The following BICDL1 variants were observed in gnomAD, a reference collection of about 807,000 sequenced individuals.
The protein encoded by BICDL1 is BICD family like cargo adaptor 1.
Under a neutral mutation model 76.8 loss-of-function variants are expected in BICDL1, and 20 were observed. The observed-to-expected ratio is 0.26, with a 90% CI of 0.18 to 0.38. The LOEUF is 0.38. Ranked by LOEUF, BICDL1 falls within the 10% of genes least tolerant of loss-of-function variation. The pLI, the probability that BICDL1 is intolerant of heterozygous loss-of-function variation, is 1.00. For synonymous variants in BICDL1, 383 were observed against 337.1 expected (o/e 1.14, Z -1.49); for missense variants, 700 against 798.6 (o/e 0.88, Z 1.49).
At chr12:120,031,203 C>CTT (rs140797711) in intron 2 of BICDL1, among the ~76,000 whole-genome samples, 20 of 130,838 alleles carry the variant, frequency 1.5e-4, no homozygotes, top group Non-Finnish European at 1.9e-4. Context: ...TAACATGTTC[C>CTT]TTTTTTTTTT....
At position 120,024,230 on chromosome 12, in the gene BICDL1, G is replaced by A. The variant is rs140646520; in HGVS notation, c.645+25494G>A. On this transcript the variant is annotated intron_variant, in intron 2 of 9. Transcript: ENST00000548673. ...TGGGATGGAGAGGTTGCAGTGAGCT[G>A]AGATCGCACCACTGCACTCCAGCTG... Among the ~76,000 whole-genome samples, 482 of 152,232 alleles carry A rather than the reference G, an allele frequency of 3.2e-3. 2 individuals carry two copies. The highest frequency in any genetic ancestry group is 0.011 in the African/African-American group (456 of 41,542).
chr12:120,080,767 C>T, intron 7 of BICDL1, 120 bp from the exon 8 acceptor site: 1 of 1,048,992 alleles, frequency 9.5e-7, no homozygotes, highest in Non-Finnish European at 1.3e-6. Flanking sequence ...GGAATGCTAC[C>T]AGCTTGCACC....
At chr12:120,004,476 C>T (rs1304427624) in intron 2 of BICDL1, among the ~76,000 whole-genome samples, 2 of 152,188 alleles carry the variant, frequency 1.3e-5, no homozygotes, top group Non-Finnish European at 2.9e-5. Flanking sequence ...AAAGAGCATT[C>T]AACAGGAAGT....
intron 2 of BICDL1, among the ~76,000 whole-genome samples, chr12:119,999,444 A>G (rs1951718012): frequency 6.6e-6 from 1 of 152,236 alleles, no homozygotes; most frequent in African/African-American, 2.4e-5. Context: ...TTTTAAGCTT[A>G]GGGAAAATTT....
chr12:119,989,977 C>CCCG lies in BICDL1; in HGVS notation c.124_126dup (p.Ala42dup), dbSNP rs748752437. ...CGCGGCCGGGGACGCAGTCCGGAGTCCCGCCGCCGCCGCCGCCCTCATCTT... is the reference window on the plus strand; with the variant it reads ...CGCGGCCGGGGACGCAGTCCGGAGTCCCGCCGCCGCCGCCGCCGCCCTCATCTT... On this transcript the variant is annotated inframe_insertion, in exon 1 of 10. Transcript: ENST00000548673. The CCCG allele has an allele frequency of 1.1e-4, 157 of 1,467,250 alleles. No individual in the cohort carries two copies. The Middle Eastern group carries it at 1.4e-3, about 13-fold the overall frequency. The allele number at this position is 1,467,250 out of a possible 1,614,324, so 90.9% of individuals were successfully genotyped here.
At chr12:120,012,774 G>A (rs944010519) in intron 2 of BICDL1, among the ~76,000 whole-genome samples, 3 of 151,866 alleles carry the variant, frequency 2.0e-5, no homozygotes, top group Admixed American at 6.6e-5. Context: ...TTTTTTAAAG[G>A]AAAGGGAAGG....
chr12:120,016,971 C>CA (rs1952076897), intron 2 of BICDL1, among the ~76,000 whole-genome samples: 2 of 152,210 alleles, frequency 1.3e-5, no homozygotes, highest in Non-Finnish European at 2.9e-5. Context: ...CGGCTCACTG[C>CA]AAGCTCTGCC....
At chr12:120,074,351 C>A in intron 6 of BICDL1, 92 bp from the exon 7 acceptor site, 2 of 846,914 alleles carry the variant, frequency 2.4e-6, no homozygotes, top group Non-Finnish European at 1.4e-6. Context: ...TTTCTCCTCT[C>A]CTTCTCTCCC....
At chr12:120,036,807 C>T (rs1217369317) in intron 2 of BICDL1, among the ~76,000 whole-genome samples, 1 of 152,172 alleles carries the variant, frequency 6.6e-6, no homozygotes, top group Non-Finnish European at 1.5e-5. Flanking sequence ...ACCCGGAAGG[C>T]GGAGGTTGCA....
At position 120,057,294 on chromosome 12, in the gene BICDL1, G is replaced by A. The variant is rs968889098; in HGVS notation, c.646-4416G>A. On this transcript the variant is annotated intron_variant, in intron 2 of 9. Transcript: ENST00000548673. The stretch of plus-strand genomic sequence containing the variant: ...CCTCCCAACGTGCTGGGATTACACC[G>A]CGCCTGGCCCATTTGATTCAATTTT... 1.0e-4 allele frequency: 33 copies of A among 323,750 alleles called. No homozygotes were observed. In the Admixed American group the frequency reaches 1.1e-3, roughly 11 times the overall value. The allele number at this position is 323,750 out of a possible 1,614,324, so 20.1% of individuals were successfully genotyped here.
intron 2 of BICDL1, among the ~76,000 whole-genome samples, chr12:120,025,553 G>A (rs766945246): frequency 5.9e-5 from 9 of 152,056 alleles, no homozygotes; most frequent in Non-Finnish European, 8.8e-5. Context: ...CCACATGACC[G>A]TACACTCTGA....
chr12:120,028,631 G>T (rs762760385), intron 2 of BICDL1, among the ~76,000 whole-genome samples: 1 of 152,102 alleles, frequency 6.6e-6, no homozygotes, highest in Admixed American at 6.5e-5. Context: ...AGATGAGATC[G>T]CCCACTGCAC....
intron 2 of BICDL1, among the ~76,000 whole-genome samples, chr12:120,044,783 A>G (rs1952713309): frequency 6.6e-6 from 1 of 152,174 alleles, no homozygotes; most frequent in African/African-American, 2.4e-5. Flanking sequence ...TTTTGGTACC[A>G]GTACCATGCT....
intron 2 of BICDL1, among the ~76,000 whole-genome samples, chr12:120,057,481 A>C (rs933307246): frequency 6.6e-6 from 1 of 152,202 alleles, no homozygotes; most frequent in Non-Finnish European, 1.5e-5. Flanking sequence ...AACTTCCAGA[A>C]AGCATTTAGA....
intron 4 of BICDL1, among the ~76,000 whole-genome samples, chr12:120,066,038 A>G (rs1368285286): frequency 6.6e-6 from 1 of 152,246 alleles, no homozygotes; most frequent in Non-Finnish European, 1.5e-5. Context: ...TTCAAGATGG[A>G]AAAGAATTTG....
Position 120,093,327 on chromosome 12 carries a change from A to C in BICDL1, c.*166A>C. 1 of 790,016 alleles carries C rather than the reference A, an allele frequency of 1.3e-6. No individual in the cohort carries two copies. The highest frequency in any genetic ancestry group is 2.0e-6 in the Non-Finnish European group (1 of 510,452). 48.9% of individuals were successfully genotyped at this position (790,016 alleles called of 1,614,324 possible). A position where few individuals can be genotyped will look rare whatever the true frequency, so the allele number is the denominator to read the frequency against. ...CTCCCTTTCGTCGGTGGGGATGGAGACCTAGAGGTGGGGGCCTGCCTTGGC... is the reference window on the plus strand; with the variant it reads ...CTCCCTTTCGTCGGTGGGGATGGAGCCCTAGAGGTGGGGGCCTGCCTTGGC... On this transcript the variant is annotated 3_prime_UTR_variant, in exon 10 of 10. Coordinates refer to ENST00000548673, the MANE Select transcript of BICDL1 (RefSeq NM_001367886.1).
At chr12:119,992,995 C>T (rs953349873) in intron 1 of BICDL1, 6 of 151,152 alleles carry the variant, frequency 4.0e-5, no homozygotes, top group Non-Finnish European at 5.9e-5. Context: ...GCTCTGTCGC[C>T]CAGTCTGGAG....
At chr12:120,078,140 C>G (rs2138973529) in intron 7 of BICDL1, among the ~76,000 whole-genome samples, 1 of 152,322 alleles carries the variant, frequency 6.6e-6, no homozygotes, top group African/African-American at 2.4e-5. Flanking sequence ...AGTTCCCAAT[C>G]TAGCATCACT....
intron 4 of BICDL1, among the ~76,000 whole-genome samples, chr12:120,069,275 G>C (rs1165259299): frequency 6.6e-6 from 1 of 152,140 alleles, no homozygotes; most frequent in Admixed American, 6.6e-5. Context: ...CTTCAGAAAA[G>C]GACTGAGAGA....
Sources: allele counts gnomAD v4.1 joint callset (sites outside exome capture counted in the v4.1 genomes callset), GRCh38; gene constraint gnomAD v4.1.1; transcripts MANE v1.5; gene names NCBI Gene and HGNC (gene_info 2026-07-23, HGNC 2026-07-21).